DLGAP1: variants seen among roughly 807,000 people sequenced by gnomAD.
The protein encoded by DLGAP1 is disks large-associated protein 1.
Under a neutral mutation model 90.8 loss-of-function variants are expected in DLGAP1, and 11 were observed. The observed-to-expected ratio is 0.12, with a 90% CI of 0.08 to 0.20. The LOEUF (loss-of-function observed/expected upper bound fraction) is 0.20, where lower values mean the gene tolerates loss of function less well. Among genes scored for constraint, DLGAP1 ranks in the 10% least tolerant of loss-of-function variants. The probability of loss-of-function intolerance (pLI) is 1.00; values close to 1 mark genes in which losing one functional copy is unlikely to be tolerated. For missense variants in DLGAP1, 1,050 were observed against 1,333.8 expected (o/e 0.79, Z 3.31); for synonymous variants, 558 against 540.7 (o/e 1.03, Z -0.44).
At chr18:4,177,790 C>T (rs1031389673) in intron 1 of DLGAP1, among the ~76,000 whole-genome samples, 3 of 152,112 alleles carry the variant, frequency 2.0e-5, no homozygotes, top group African/African-American at 7.2e-5. Flanking sequence ...CTGCAAAGGA[C>T]ATTATCTTGT....
chr18:4,188,680 G>A (rs2077342601), intron 1 of DLGAP1, among the ~76,000 whole-genome samples: 2 of 152,174 alleles, frequency 1.3e-5, no homozygotes, highest in Admixed American at 1.3e-4. Context: ...ATTCCATGGT[G>A]TAGGTGCGCC....
Position 4,190,737 on chromosome 18 carries a change from A to G in DLGAP1, c.-266-39450T>C, listed in dbSNP as rs563350056. 5.9e-5 allele frequency among the ~76,000 whole-genome samples: 9 copies of G among 152,248 alleles called. No homozygotes were observed. In the South Asian group the frequency reaches 1.9e-3, roughly 32 times the overall value. On this transcript the variant is annotated intron_variant, in intron 1 of 12. Coordinates refer to ENST00000315677, the MANE Select transcript of DLGAP1 (RefSeq NM_004746.4). ...TATAGTTTTGCTTGCTTAACCCGTT[A>G]TGATTTTCCAATGAGTTCTTGTGTC...
intron 7 of DLGAP1, among the ~76,000 whole-genome samples, chr18:3,667,866 G>A (rs2146692968): frequency 6.6e-6 from 1 of 152,270 alleles, no homozygotes. Flanking sequence ...GCATAAAAAT[G>A]ATTTTGAGCT....
At chr18:4,353,799 G>T (rs2081447923) in intron 1 of DLGAP1, among the ~76,000 whole-genome samples, 1 of 151,912 alleles carries the variant, frequency 6.6e-6, no homozygotes, top group Admixed American at 6.6e-5. Context: ...TCTTAATCCT[G>T]AAGTTTAGTG....
intron 1 of DLGAP1, among the ~76,000 whole-genome samples, chr18:4,199,376 T>G (rs536036932): frequency 1.3e-5 from 2 of 152,358 alleles, no homozygotes; most frequent in East Asian, 3.9e-4. Context: ...TTCAACACTA[T>G]GAAGAATACT....
Position 3,746,549 on chromosome 18 carries a change from T to C in DLGAP1, c.1173-4037A>G, listed in dbSNP as rs115734603. Among the ~76,000 whole-genome samples the C allele has an allele frequency of 3.4e-3, 522 of 152,260 alleles. 3 individuals are homozygous for C. Among genetic ancestry groups the C allele is most frequent in the African/African-American group, 0.012 (500 of 41,552 alleles). On this transcript the variant is annotated intron_variant, in intron 5 of 12. Coordinates refer to ENST00000315677, the MANE Select transcript of DLGAP1 (RefSeq NM_004746.4). ...AAAATAGTCATTGTGTATAAGAACA[T>C]ATTTGCAACACTAAGCAGCAAAAAG...
intron 1 of DLGAP1, among the ~76,000 whole-genome samples, chr18:4,393,721 C>A (rs1189972591): frequency 6.6e-6 from 1 of 152,176 alleles, no homozygotes; most frequent in Non-Finnish European, 1.5e-5. Context: ...CAGTCCCCAA[C>A]CCTTTCGGCA....
chr18:3,766,577 TA>T (rs1162316446), intron 5 of DLGAP1, among the ~76,000 whole-genome samples: 2 of 151,054 alleles, frequency 1.3e-5, no homozygotes, highest in African/African-American at 2.4e-5. Context: ...TTTGGGGCCA[TA>T]AAAAAAAACT....
intron 5 of DLGAP1, among the ~76,000 whole-genome samples, chr18:3,803,946 T>G (rs2066431738): frequency 7.9e-6 from 1 of 126,650 alleles, no homozygotes; most frequent in African/African-American, 2.9e-5. Context: ...CTTCATTGGT[T>G]TATGTAGGTT....
intron 4 of DLGAP1, among the ~76,000 whole-genome samples, chr18:3,821,138 T>C (rs1259175281): frequency 2.0e-5 from 3 of 151,848 alleles, no homozygotes; most frequent in African/African-American, 7.3e-5. Context: ...ATTTTTTAAA[T>C]GTAGCTGGTG....
At chr18:4,353,532 G>T (rs897578205) in intron 1 of DLGAP1, among the ~76,000 whole-genome samples, 49 of 152,208 alleles carry the variant, frequency 3.2e-4, no homozygotes, top group African/African-American at 1.1e-3. Flanking sequence ...CCTCCTCATT[G>T]TAAAAAGCTT....
intron 2 of DLGAP1, among the ~76,000 whole-genome samples, chr18:4,130,429 C>T (rs998383478): frequency 4.5e-4 from 69 of 152,116 alleles, no homozygotes; most frequent in Non-Finnish European, 1.0e-3. Context: ...GTGAAGATCC[C>T]AGTGACATCT....
In DLGAP1 at chr18:3,729,100, C is replaced by A; in HGVS notation, c.1591+35G>T. ...GGGGACAGTCGTGCCATAGCCAGCA[C>A]AGGGGCCAGGCTGGCTGAGGGCCCG... On this transcript the variant is annotated intron_variant, in intron 7 of 12. Coordinates refer to ENST00000315677, the MANE Select transcript of DLGAP1 (RefSeq NM_004746.4). This position sits in a 1 kb window ranked among gnomAD's most constrained non-coding sequence, Gnocchi z 6.2. 6.3e-7 allele frequency: 1 copy of A among 1,575,264 alleles called. No homozygotes were observed.
intron 5 of DLGAP1, among the ~76,000 whole-genome samples, chr18:3,776,916 G>A (rs1274087850): frequency 1.3e-5 from 2 of 152,112 alleles, no homozygotes; most frequent in African/African-American, 4.8e-5. Flanking sequence ...TCAGCCTCAT[G>A]AGCAGCTGGG....
At chr18:3,820,146 A>T (rs1459572239) in intron 4 of DLGAP1, among the ~76,000 whole-genome samples, 1 of 152,224 alleles carries the variant, frequency 6.6e-6, no homozygotes, top group Non-Finnish European at 1.5e-5. Context: ...GGATTATCTC[A>T]GGATGGGAAG....
At chr18:4,386,686 A>G (rs1333953506) in intron 1 of DLGAP1, among the ~76,000 whole-genome samples, 1 of 152,200 alleles carries the variant, frequency 6.6e-6, no homozygotes, top group Non-Finnish European at 1.5e-5. Context: ...ACATATGCAG[A>G]GTATTTAAAA....
At chr18:3,772,344 CTCTCTTTCTT>C (rs1453498563) in intron 5 of DLGAP1, among the ~76,000 whole-genome samples, 35 of 15,230 alleles carry the variant, frequency 2.3e-3, no homozygotes, top group African/African-American at 5.7e-3. Flanking sequence ...CTCTCTCTCT[CTCTCTTTCTT>C]TCTTTCTTTC....
At position 3,929,495 on chromosome 18, in the gene DLGAP1, T is replaced by C. The variant is rs185580105; in HGVS notation, c.-72-49355A>G. Among the ~76,000 whole-genome samples the C allele has an allele frequency of 4.6e-5, 7 of 152,318 alleles. No homozygotes were observed. The East Asian group carries it at 1.2e-3, about 25-fold the overall frequency. ...GTGATTTTCTAAGTGCAAACACAGA[T>C]GCCAATACTTGGAAGTGCTCTTCTA... On this transcript the variant is annotated intron_variant, in intron 3 of 12. Coordinates refer to ENST00000315677, the MANE Select transcript of DLGAP1 (RefSeq NM_004746.4).
intron 5 of DLGAP1, among the ~76,000 whole-genome samples, chr18:3,769,412 A>G (rs1417392691): frequency 2.6e-5 from 4 of 152,180 alleles, no homozygotes; most frequent in Non-Finnish European, 4.4e-5. Flanking sequence ...GTCTTAGAGA[A>G]ATGAAGCGTA....
Sources: gnomAD v4.1 joint callset for allele counts (sites outside exome capture counted in the v4.1 genomes callset) on GRCh38, gnomAD v4.1.1 for gene constraint, Gnocchi (gnomAD v3.1) non-coding constraint, MANE v1.5 for transcripts, NCBI Gene and HGNC (gene_info 2026-07-23, HGNC 2026-07-21) for gene names.